The following TENM1 variants were observed in gnomAD, a reference collection of about 807,000 sequenced individuals.
The protein encoded by TENM1 is teneurin transmembrane protein 1.
TENM1 carries 35 observed loss-of-function variants against 174.8 expected under a neutral mutation model. That is an observed-to-expected ratio of 0.20 (90% CI 0.15 to 0.27). TENM1 has a LOEUF of 0.27. Ranked by LOEUF, TENM1 falls within the 10% of genes least tolerant of loss-of-function variation. The probability of loss-of-function intolerance (pLI) is 1.00; values close to 1 mark genes in which losing one functional copy is unlikely to be tolerated. For synonymous variants in TENM1, 781 were observed against 798.7 expected, an observed-to-expected ratio of 0.98 and a Z score of 0.37; for missense variants, 1,633 against 2,130.1, an observed-to-expected ratio of 0.77 and a Z score of 4.59.
chrX:125,005,187 CAT>C, the TENM1 span, among the ~76,000 whole-genome samples: 137 of 47,431 alleles, frequency 2.9e-3, 1 homozygote, highest in Admixed American at 0.041. Context: ...AAGATGTATA[CAT>C]ACACACACAC....
In TENM1 at chrX:124,406,503, C is replaced by T; in HGVS notation, c.4983-14G>A. 2 of 1,154,915 alleles carry T rather than the reference C, an allele frequency of 1.7e-6. No homozygotes were observed. The highest frequency in any genetic ancestry group is 3.9e-5 in the South Asian group (2 of 51,376). On this transcript the variant is annotated splice_polypyrimidine_tract_variant and intron_variant, in intron 25 of 31. Transcript: ENST00000422452. ...TCGGGGTCATACCTGAGGAATGTAA[C>T]CAATCCCAGCTTTGAAGCGTCTCGG...
intron 14 of TENM1, among the ~76,000 whole-genome samples, chrX:124,555,181 C>G (rs191883087): frequency 2.6e-4 from 29 of 111,118 alleles, no homozygotes; most frequent in African/African-American, 8.5e-4. Flanking sequence ...CTAATCTCTT[C>G]CTGACTCATG....
chrX:124,914,491 T>G (rs917255404), intron 1 of TENM1, among the ~76,000 whole-genome samples: 1 of 111,806 alleles, frequency 8.9e-6, no homozygotes, highest in African/African-American at 3.3e-5. Context: ...AGGTTGTATA[T>G]CCAACTATTC....
At chrX:124,512,281 A>AT (rs770001950) in intron 18 of TENM1, among the ~76,000 whole-genome samples, 3,234 of 106,778 alleles carry the variant, frequency 0.03, 119 homozygotes, top group African/African-American at 0.092. Context: ...AACAGTAATG[A>AT]TTTTTTTTTT....
intron 3 of TENM1, among the ~76,000 whole-genome samples, chrX:124,864,878 T>C (rs1477327678): frequency 9.1e-6 from 1 of 109,952 alleles, no homozygotes; most frequent in East Asian, 2.9e-4. Flanking sequence ...AAAAGAAACA[T>C]ACAACATATA....
chrX:124,535,350 C>G (rs2048184447), intron 15 of TENM1, among the ~76,000 whole-genome samples: 1 of 111,217 alleles, frequency 9.0e-6, no homozygotes, highest in Admixed American at 9.6e-5. Flanking sequence ...GCAGGCAAAT[C>G]GACCACTGGT....
chrX:124,525,369 T>A (rs376522756), intron 16 of TENM1, among the ~76,000 whole-genome samples: 14 of 112,279 alleles, frequency 1.2e-4, no homozygotes, highest in African/African-American at 4.5e-4. Flanking sequence ...AGGAACAGTT[T>A]AAGGCAAGTG....
intron 4 of TENM1, among the ~76,000 whole-genome samples, chrX:124,727,327 A>G: frequency 8.9e-6 from 1 of 112,379 alleles, no homozygotes; most frequent in East Asian, 2.8e-4. Flanking sequence ...CATCATTCTG[A>G]AAAAATAATT....
chrX:124,406,650 TCAAACGAAGGTA>T (rs1474460758), intron 25 of TENM1, among the ~76,000 whole-genome samples, 161 bp from the exon 29 acceptor site: 1 of 112,251 alleles, frequency 8.9e-6, no homozygotes, highest in African/African-American at 3.2e-5. Flanking sequence ...AGATGATTAA[TCAAACGAAGGTA>T]TTTTTTGCAG....
At chrX:125,003,171 A>G in the TENM1 span, among the ~76,000 whole-genome samples, 1 of 111,509 alleles carries the variant, frequency 9.0e-6, no homozygotes, top group Admixed American at 9.6e-5. Flanking sequence ...TTTAAGTGGG[A>G]CTAGAGAAGT....
intron 15 of TENM1, among the ~76,000 whole-genome samples, chrX:124,530,696 A>C (rs2048085914): frequency 8.9e-6 from 1 of 112,278 alleles, no homozygotes; most frequent in South Asian, 3.7e-4. Flanking sequence ...AGTCTGCAAA[A>C]GAGACATGAT....
intron 22 of TENM1, among the ~76,000 whole-genome samples, chrX:124,463,878 G>GTGT (rs1569533033): frequency 3.5e-5 from 3 of 84,844 alleles, no homozygotes; most frequent in Non-Finnish European, 5.1e-5. Flanking sequence ...TGTGTGTGTG[G>GTGT]AGAGAGAGAG....
intron 3 of TENM1, among the ~76,000 whole-genome samples, chrX:124,741,898 C>A (rs758620581): frequency 2.7e-5 from 3 of 112,139 alleles, no homozygotes; most frequent in African/African-American, 9.7e-5. Context: ...CATATGCAAA[C>A]GCAAAATTTG....
intron 3 of TENM1, among the ~76,000 whole-genome samples, chrX:124,766,764 G>GA (rs1406920727): frequency 3.6e-5 from 4 of 110,710 alleles, no homozygotes; most frequent in Non-Finnish European, 5.7e-5. Flanking sequence ...TGCTTTTGTG[G>GA]AAAAAAATGC....
the TENM1 span, among the ~76,000 whole-genome samples, chrX:125,188,550 TCAG>T: frequency 9.0e-6 from 1 of 111,644 alleles, no homozygotes; most frequent in African/African-American, 3.3e-5. Context: ...AGGAAAAATC[TCAG>T]TAGTAAGAGT....
chrX:124,730,496 C>A (rs1328581502), intron 4 of TENM1, among the ~76,000 whole-genome samples: 1 of 110,673 alleles, frequency 9.0e-6, no homozygotes, highest in Non-Finnish European at 1.9e-5. Flanking sequence ...AATTAATGTG[C>A]CCAATGTCAC....
chrX:124,525,742 T>C (rs1311455365), intron 16 of TENM1, among the ~76,000 whole-genome samples: 3 of 111,973 alleles, frequency 2.7e-5, no homozygotes, highest in Admixed American at 1.9e-4. Context: ...CTGTTAGCTT[T>C]GTGTCTTTGG....
intron 27 of TENM1, among the ~76,000 whole-genome samples, chrX:124,396,497 T>A: frequency 9.1e-6 from 1 of 109,307 alleles, no homozygotes; most frequent in Non-Finnish European, 1.9e-5. Flanking sequence ...AGAGACAGGG[T>A]TTCGCCATGT....
At chrX:124,421,191 G>C (rs1370395971) in intron 24 of TENM1, among the ~76,000 whole-genome samples, 1 of 111,619 alleles carries the variant, frequency 9.0e-6, no homozygotes, top group Non-Finnish European at 1.9e-5. Flanking sequence ...TCTGTTTCAG[G>C]ACTTTCCAGT....
Sources: allele counts gnomAD v4.1 joint callset (sites outside exome capture counted in the v4.1 genomes callset), GRCh38; gene constraint gnomAD v4.1.1; transcripts MANE v1.5; gene names NCBI Gene and HGNC (gene_info 2026-07-23, HGNC 2026-07-21).